Variants in SLC39A6 observed in about 807,000 individuals in gnomAD.
SLC39A6 encodes zinc transporter ZIP6.
In SLC39A6, 51 loss-of-function variants were observed where a neutral mutation model predicts 63.5. That is an observed-to-expected ratio of 0.80 (90% confidence interval 0.64 to 1.01). The LOEUF (loss-of-function observed/expected upper bound fraction) is 1.01. Ranked by LOEUF, SLC39A6 falls within the 50% of genes least tolerant of loss-of-function variation. The probability of loss-of-function intolerance (pLI) is 0.00; values close to 1 mark genes in which losing one functional copy is unlikely to be tolerated. For missense variants in SLC39A6, 805 were observed against 927.8 expected (o/e 0.87, Z 1.72); for synonymous variants, 318 against 324.7 (o/e 0.98, Z 0.22).
At chr18:36,116,809 A>C (rs1789504) in intron 5 of SLC39A6, 30 bp from the exon 6 acceptor site, 490,017 of 1,490,626 alleles carry the variant, frequency 0.33, 82,600 homozygotes, top group Middle Eastern at 0.41. Flanking sequence ...CAATACTTTA[A>C]AACAGTAATT....
intron 1 of SLC39A6, among the ~76,000 whole-genome samples, chr18:36,127,624 A>C (rs1315423943): frequency 6.6e-6 from 1 of 152,166 alleles, no homozygotes; most frequent in African/African-American, 2.4e-5. Context: ...CATATTTAAA[A>C]AATTTTAAAC....
chr18:36,109,758 G>C lies in SLC39A6; in HGVS notation c.2116-13C>G. On this transcript the variant is annotated splice_polypyrimidine_tract_variant and intron_variant, in intron 9 of 9. Transcript: ENST00000269187. ...GCATTTCAGGTACCTTTAAAAAAAA[G>C]TAAGGGAAAATAAGAGTGACATTTA... 6.3e-7 allele frequency: 1 copy of C among 1,587,520 alleles called. No homozygotes were observed. The highest frequency in any genetic ancestry group is 1.4e-5 in the African/African-American group (1 of 73,164).
Position 36,124,660 on chromosome 18 carries a change from C to T in SLC39A6, c.830G>A (p.Gly277Asp). The change falls in exon 3 of 10, where the codon GGC becomes GAC. Residue 277 changes from glycine to aspartate, a missense_variant. By Grantham distance (94) the Gly-to-Asp change is moderately conservative. Around this residue, in one of 4 missense-constraint regions of SLC39A6, gnomAD observed 639 missense variants for 644.0 expected, o/e 0.99. Coordinates refer to ENST00000269187, the MANE Select transcript of SLC39A6 (RefSeq NM_012319.4). Reference protein sequence around the residue: ...ASKLLTSHGMGIQVPLNATEF... With the variant: ...ASKLLTSHGMDIQVPLNATEF... ...TGTTGCATTCAGCGGAACCTGGATG[C>T]CCATGCCATGAGATGTCAGTAGCTT... 6.3e-7 allele frequency: 1 copy of T among 1,579,426 alleles called. No homozygotes were observed. The highest frequency in any genetic ancestry group is 8.7e-7 in the Non-Finnish European group (1 of 1,152,794).
chr18:36,114,750 C>T (rs184927885), intron 6 of SLC39A6, among the ~76,000 whole-genome samples: 6 of 152,270 alleles, frequency 3.9e-5, no homozygotes, highest in East Asian at 1.9e-4. Context: ...TTCTGCCTCC[C>T]TACCTTTTTA....
At chr18:36,120,324 T>C (rs1219051154) in intron 5 of SLC39A6, among the ~76,000 whole-genome samples, 3 of 151,998 alleles carry the variant, frequency 2.0e-5, no homozygotes, top group South Asian at 4.2e-4. Context: ...AGGGAAGCAA[T>C]TGCGTCAATG....
At chr18:36,110,167 A>G (rs1288728388) in intron 9 of SLC39A6, among the ~76,000 whole-genome samples, 1 of 152,152 alleles carries the variant, frequency 6.6e-6, no homozygotes, top group Non-Finnish European at 1.5e-5. Context: ...TAAAATAATA[A>G]AATACAATTT....
chr18:36,127,764 AT>A (rs55986208), intron 1 of SLC39A6, among the ~76,000 whole-genome samples: 3 of 142,516 alleles, frequency 2.1e-5, no homozygotes, highest in African/African-American at 7.8e-5. Flanking sequence ...TGTATACTTA[AT>A]TTTTTTTTTA....
chr18:36,109,613 C>T lies in SLC39A6; in HGVS notation c.2248G>A (p.Val750Met), dbSNP rs778520944. The change falls in exon 10 of 10, where the codon GTG (valine) becomes ATG (methionine). Residue 750 changes from valine to methionine, a missense_variant. Physicochemically the swap from Val to Met is conservative, Grantham distance 21. Transcript: ENST00000269187. ...LLISIFEHKI[V>M]FRINF The stretch of plus-strand genomic sequence containing the variant: ...CTTAACTAGAAATTTATACGAAACA[C>T]GATTTTATGTTCAAATATGGAAATA... 1.4e-5 allele frequency: 23 copies of T among 1,607,160 alleles called. No individual in the cohort carries two copies. Among genetic ancestry groups the T allele is most frequent in the East Asian group, 2.2e-5 (1 of 44,808 alleles).
At chr18:36,117,579 C>A (rs368596900) in intron 5 of SLC39A6, among the ~76,000 whole-genome samples, 1 of 152,108 alleles carries the variant, frequency 6.6e-6, no homozygotes, top group South Asian at 2.1e-4. Flanking sequence ...TGTGTATCAT[C>A]TACTTATACA....
chr18:36,121,715 T>C (rs2089395988), intron 5 of SLC39A6, among the ~76,000 whole-genome samples: 1 of 152,216 alleles, frequency 6.6e-6, no homozygotes, highest in Non-Finnish European at 1.5e-5. Context: ...TCGTAACTAC[T>C]AATAAATATT....
At chr18:36,111,697 G>A (rs2089301118) in intron 8 of SLC39A6, among the ~76,000 whole-genome samples, 2 of 152,082 alleles carry the variant, frequency 1.3e-5, no homozygotes, top group Non-Finnish European at 2.9e-5. Context: ...GTTGACCAGG[G>A]TGGTTTTGAA....
At chr18:36,128,603 G>A (rs1311631194) in intron 1 of SLC39A6, among the ~76,000 whole-genome samples, 1 of 152,136 alleles carries the variant, frequency 6.6e-6, no homozygotes, top group Non-Finnish European at 1.5e-5. Flanking sequence ...ATTCCCAGGA[G>A]AGAGGCGAGG....
intron 5 of SLC39A6, among the ~76,000 whole-genome samples, chr18:36,118,741 C>T (rs533269654): frequency 5.3e-5 from 8 of 152,250 alleles, no homozygotes; most frequent in African/African-American, 1.9e-4. Context: ...TGGTGTGCAA[C>T]CTCATCATAT....
chr18:36,119,505 T>G (rs984526657), intron 5 of SLC39A6, among the ~76,000 whole-genome samples: 2 of 152,144 alleles, frequency 1.3e-5, no homozygotes, highest in African/African-American at 4.8e-5. Flanking sequence ...ATCAAACTAC[T>G]CTGACTATGA....
chr18:36,110,898 G>A, intron 9 of SLC39A6, 161 bp downstream of exon 9: 3 of 1,210,462 alleles, frequency 2.5e-6, no homozygotes, highest in Non-Finnish European at 3.4e-6. Context: ...GGCTGAGATG[G>A]AAGGATCATT....
In SLC39A6 at chr18:36,126,821, G is replaced by T; in HGVS notation, c.187C>A (p.Arg63Ser). 1 of 1,614,096 alleles carries T rather than the reference G, an allele frequency of 6.2e-7. No homozygotes were observed. Among genetic ancestry groups the T allele is most frequent in the African/African-American group, 1.3e-5 (1 of 75,008 alleles). The change falls in exon 2 of 10, where the codon CGC becomes AGC. Residue 63 changes from arginine (R) to serine (S), a missense_variant. Around this residue, in one of 4 missense-constraint regions of SLC39A6, gnomAD observed 639 missense variants for 644.0 expected, o/e 0.99. Transcript: ENST00000269187. Reference sequence around the variant, plus strand: ...GACAAAGAATTATTTTCTCCATAGCGGTAGAAAAGCTGTTGTAGATGATAT... The same window carrying T: ...GACAAAGAATTATTTTCTCCATAGCTGTAGAAAAGCTGTTGTAGATGATAT... ...RQYHLQQLFY[R>S]YGENNSLSVE...
At chr18:36,117,166 G>C (rs1023221743) in intron 5 of SLC39A6, among the ~76,000 whole-genome samples, 3 of 152,198 alleles carry the variant, frequency 2.0e-5, no homozygotes, top group Non-Finnish European at 2.9e-5. Context: ...GAACTCGGGA[G>C]GTGGAGGTTG....
In SLC39A6 at chr18:36,109,721, C is replaced by G; in HGVS notation, c.2140G>C (p.Ala714Pro). ...DMVPEMLHND[A>P]SDHGCSRWGY... ...CAGCGGCTACATCCATGGTCACTAG[C>G]ATCATTGTGCAGCATTTCAGGTACC... Residue 714 changes from alanine (A) to proline (P), a missense_variant, in exon 10 of 10, where the codon GCT becomes CCT. Ala to Pro is a conservative substitution (Grantham distance 27). Transcript: ENST00000269187. The G allele has an allele frequency of 6.2e-7, 1 of 1,609,964 alleles. No homozygotes were observed. Among genetic ancestry groups the G allele is most frequent in the Non-Finnish European group, 8.5e-7 (1 of 1,178,574 alleles).
chr18:36,118,987 T>C (rs1944319), intron 5 of SLC39A6, among the ~76,000 whole-genome samples: 12,298 of 152,220 alleles, frequency 0.081, 586 homozygotes, highest in East Asian at 0.16. Context: ...GATGATTCTC[T>C]AGTTTTCGGC....
Sources: gnomAD v4.1 joint callset for allele counts (sites outside exome capture counted in the v4.1 genomes callset) on GRCh38, gnomAD v4.1.1 for gene constraint, gnomAD v4.1.1 regional missense constraint, MANE v1.5 for transcripts, NCBI Gene and HGNC (gene_info 2026-07-23, HGNC 2026-07-21) for gene names.